The following CD101 variants were observed in gnomAD, a reference collection of about 807,000 sequenced individuals.
CD101 encodes CD101 molecule, also known as immunoglobulin superfamily member 2.
In CD101, 76 loss-of-function variants were observed where a neutral mutation model predicts 98.2. The ratio of observed to expected loss-of-function variants is 0.77; its 90% confidence interval spans 0.64 to 0.94. The LOEUF is 0.94. Among genes scored for constraint, CD101 ranks in the 40% least tolerant of loss-of-function variants. The probability of loss-of-function intolerance (pLI) is 0.00; values close to 1 mark genes in which losing one functional copy is unlikely to be tolerated. For missense variants in CD101, 1,145 were observed against 1,218.8 expected (o/e 0.94, Z 0.90); for synonymous variants, 471 against 472.7 (o/e 1.00, Z 0.05).
intron 8 of CD101, among the ~76,000 whole-genome samples, chr1:117,027,403 AG>A: frequency 6.6e-6 from 1 of 152,320 alleles, no homozygotes; most frequent in Middle Eastern, 3.4e-3. Context: ...CCAGTAGACT[AG>A]GGGAACAACA....
intron 8 of CD101, chr1:117,026,709 G>A (rs1482463229): frequency 6.6e-6 from 1 of 152,194 alleles, no homozygotes; most frequent in Non-Finnish European, 1.5e-5. Context: ...TGAGGCAGAT[G>A]GGATCCTTCA....
At chr1:117,027,805 C>G (rs1036487745) in intron 8 of CD101, among the ~76,000 whole-genome samples, 1 of 152,150 alleles carries the variant, frequency 6.6e-6, no homozygotes, top group African/African-American at 2.4e-5. Context: ...AATTGGAGGT[C>G]GGGCACAGTG....
At chr1:117,001,985 A>C (rs1469885236) in intron 1 of CD101, 125 bp downstream of exon 1, 1 of 894,194 alleles carries the variant, frequency 1.1e-6, no homozygotes, top group African/African-American at 1.7e-5. Context: ...TGATGTTAGC[A>C]ATAATTTTTG....
At chr1:117,035,836 G>C (rs557266619) in intron 9 of CD101, among the ~76,000 whole-genome samples, 200 of 152,340 alleles carry the variant, frequency 1.3e-3, no homozygotes, top group Non-Finnish European at 2.5e-3. Flanking sequence ...ACAGGCGTGA[G>C]CCACCACGCC....
chr1:117,009,483 T>C (rs943253155), intron 1 of CD101, among the ~76,000 whole-genome samples: 1 of 152,250 alleles, frequency 6.6e-6, no homozygotes, highest in African/African-American at 2.4e-5. Flanking sequence ...ATTTGAGACT[T>C]GAGGAAGTAT....
chr1:117,028,041 C>T (rs1320224535), intron 8 of CD101, among the ~76,000 whole-genome samples: 11 of 152,068 alleles, frequency 7.2e-5, no homozygotes, highest in African/African-American at 1.4e-4. Context: ...GCCGAGATCA[C>T]GCCATTGCAC....
chr1:117,009,787 T>G (rs17036712), intron 1 of CD101, 63 bp from the exon 2 acceptor site: 29,120 of 1,499,674 alleles, frequency 0.019, 816 homozygotes, highest in Admixed American at 0.14. Flanking sequence ...ATACATAACG[T>G]GGTACACTGG....
At position 117,033,586 on chromosome 1, in the gene CD101, T is replaced by C. The variant is rs1364142324; in HGVS notation, c.2825-274T>C. ...GAGGTTTTCTTTTTTGTTTTGTTTTTCATTTTGGCTGTTAGTTTTAAGTAG... is the reference window on the plus strand; with the variant it reads ...GAGGTTTTCTTTTTTGTTTTGTTTTCCATTTTGGCTGTTAGTTTTAAGTAG... On this transcript the variant is annotated intron_variant, in intron 8 of 9. Coordinates refer to ENST00000682167, the MANE Select transcript of CD101 (RefSeq NM_001256106.3). The surrounding 1 kb of genome is among the most constrained non-coding windows in gnomAD (Gnocchi z 4.8). 6.6e-6 allele frequency among the ~76,000 whole-genome samples: 1 copy of C among 152,130 alleles called. No homozygotes were observed. The highest frequency in any genetic ancestry group is 1.9e-4 in the East Asian group (1 of 5,196).
rs1468146141 is a variant in CD101 at position 117,012,105 on chromosome 1, G to A, written c.841+139G>A. On this transcript the variant is annotated intron_variant, in intron 3 of 9. Coordinates refer to ENST00000682167, the MANE Select transcript of CD101 (RefSeq NM_001256106.3). This position sits in a 1 kb window ranked among gnomAD's most constrained non-coding sequence, Gnocchi z 4.0. Reference sequence around the variant, plus strand: ...AAGTTTGATTTAATTTTGTATTTTTGTCATCTGAGAAGCATAACTAAGAGG... The same window carrying A: ...AAGTTTGATTTAATTTTGTATTTTTATCATCTGAGAAGCATAACTAAGAGG... The A allele has an allele frequency of 6.2e-6, 5 of 812,728 alleles. No homozygotes were observed. The highest frequency in any genetic ancestry group is 9.6e-6 in the Non-Finnish European group (5 of 520,048). 50.3% of individuals were successfully genotyped at this position (812,728 alleles called of 1,614,324 possible). A position where few individuals can be genotyped will look rare whatever the true frequency, so the allele number is the denominator to read the frequency against.
At chr1:117,007,617 G>A (rs1302144733) in intron 1 of CD101, among the ~76,000 whole-genome samples, 1 of 152,152 alleles carries the variant, frequency 6.6e-6, no homozygotes, top group Non-Finnish European at 1.5e-5. Context: ...CAAAGAGCTA[G>A]GATTACAGGC....
chr1:117,003,151 A>G (rs1652339279), intron 1 of CD101, among the ~76,000 whole-genome samples: 1 of 152,150 alleles, frequency 6.6e-6, no homozygotes, highest in Non-Finnish European at 1.5e-5. Context: ...AAAAAAACAA[A>G]CAAACAAACA....
intron 8 of CD101, chr1:117,031,997 C>T (rs1425708919): frequency 6.6e-6 from 1 of 152,146 alleles, no homozygotes; most frequent in Non-Finnish European, 1.5e-5. Context: ...CAAATGTACT[C>T]AGATAAGACC....
At chr1:117,025,303 C>G (rs1653836130) in intron 7 of CD101, among the ~76,000 whole-genome samples, 1 of 152,138 alleles carries the variant, frequency 6.6e-6, no homozygotes, top group African/African-American at 2.4e-5. Context: ...GCAGTGGTTG[C>G]AGTGAGCTGA....
At chr1:117,028,508 C>T (rs2101153596) in intron 8 of CD101, among the ~76,000 whole-genome samples, 1 of 152,264 alleles carries the variant, frequency 6.6e-6, no homozygotes, top group Non-Finnish European at 1.5e-5. Flanking sequence ...TCAAGACTGC[C>T]AAATGGGATC....
chr1:117,030,429 GAGAA>G (rs750900068), intron 8 of CD101, among the ~76,000 whole-genome samples: 50 of 150,326 alleles, frequency 3.3e-4, no homozygotes, highest in African/African-American at 6.6e-4. Flanking sequence ...GAAAGAGACA[GAGAA>G]AGAAAGAAAG....
rs779057412 is a variant in CD101 at position 117,013,359 on chromosome 1, C to A, written c.842-47C>A. On this transcript the variant is annotated intron_variant, in intron 3 of 9. Coordinates refer to ENST00000682167, the MANE Select transcript of CD101 (RefSeq NM_001256106.3). The stretch of plus-strand genomic sequence containing the variant: ...TCATCTCTCTCTGGTACTGAAAGGA[C>A]AGAGGCTGTGGGCTCTCTAAATACC... The A allele has an allele frequency of 5.2e-6, 8 of 1,550,468 alleles. No homozygotes were observed. In the East Asian group the frequency reaches 1.8e-4, roughly 35 times the overall value.
rs1277280842 is a variant in CD101, at chr1:117,018,479, G to A, written c.1936G>A (p.Asp646Asn). The A allele has an allele frequency of 6.2e-7, 1 of 1,614,060 alleles. No individual in the cohort carries two copies. Among genetic ancestry groups the A allele is most frequent in the Non-Finnish European group, 8.5e-7 (1 of 1,180,010 alleles). ...GVYQCEVEVY[D>N]RNSLYNNRPP... ...GTATCAGTGTGAAGTAGAAGTTTAT[G>A]ACAGAAATTCCCTATACAACAACCG... The change falls in exon 6 of 10, where the codon GAC becomes AAC. Residue 646 changes from aspartate to asparagine, a missense_variant. By Grantham distance (23) the Asp-to-Asn change is conservative. Coordinates refer to ENST00000682167, the MANE Select transcript of CD101 (RefSeq NM_001256106.3). This position sits in a 1 kb window ranked among gnomAD's most constrained non-coding sequence, Gnocchi z 4.3.
intron 4 of CD101, among the ~76,000 whole-genome samples, chr1:117,014,207 G>GTT (rs1653067692): frequency 1.4e-5 from 2 of 146,268 alleles, no homozygotes; most frequent in Non-Finnish European, 3.0e-5. Flanking sequence ...GTGTGTGTGT[G>GTT]TGTGTGTGTG....
chr1:117,017,354 T>C lies in CD101; in HGVS notation c.1493T>C (p.Ile498Thr), dbSNP rs1653296469. Reference protein sequence around the residue: ...KMDWATFQLEITFTAITDSGT... With the variant: ...KMDWATFQLETTFTAITDSGT... ...GACTGGGCCACCTTCCAGCTGGAGA[T>C]CACCTTCACTGCCATCACAGACAGT... is the stretch of plus-strand genomic sequence containing the variant. The change falls in exon 5 of 10, where the codon ATC (isoleucine) becomes ACC (threonine). Residue 498 changes from isoleucine (I) to threonine (T), a missense_variant. Coordinates refer to ENST00000682167, the MANE Select transcript of CD101 (RefSeq NM_001256106.3). 1 of 1,614,214 alleles carries C rather than the reference T, an allele frequency of 6.2e-7. No individual in the cohort carries two copies. Among genetic ancestry groups the C allele is most frequent in the Non-Finnish European group, 8.5e-7 (1 of 1,180,042 alleles).
Sources: allele counts gnomAD v4.1 joint callset (sites outside exome capture counted in the v4.1 genomes callset), GRCh38; gene constraint gnomAD v4.1.1; non-coding constraint Gnocchi (gnomAD v3.1); transcripts MANE v1.5; gene names NCBI Gene and HGNC (gene_info 2026-07-23, HGNC 2026-07-21).